Variants in NRG1 observed in about 807,000 individuals in gnomAD.
The protein encoded by NRG1 is neuregulin 1, also known as pro-neuregulin-1, membrane-bound isoform.
A neutral mutation model predicts 63.8 loss-of-function variants in NRG1; 18 were observed. That is an observed-to-expected ratio of 0.28 (90% confidence interval 0.19 to 0.42). The LOEUF is 0.42. Ranked by LOEUF, NRG1 falls within the 10% of genes least tolerant of loss-of-function variation. The pLI, the probability that NRG1 is intolerant of heterozygous loss-of-function variation, is 1.00. For synonymous variants in NRG1, 302 were observed against 301.3 expected, an observed-to-expected ratio of 1.00 and a Z score of -0.02; for missense variants, 762 against 814.7, an observed-to-expected ratio of 0.94 and a Z score of 0.79.
chr8:32,055,579 G>T (rs1057415564), intron 1 of NRG1, among the ~76,000 whole-genome samples: 1 of 151,640 alleles, frequency 6.6e-6, no homozygotes, highest in Non-Finnish European at 1.5e-5. Flanking sequence ...AATGACATTT[G>T]GCAAATTATA....
intron 1 of NRG1, among the ~76,000 whole-genome samples, chr8:31,812,601 T>C (rs915752958): frequency 6.6e-6 from 1 of 151,858 alleles, no homozygotes; most frequent in Non-Finnish European, 1.5e-5. Flanking sequence ...CTTCCTTTTT[T>C]ATCTCCTCTC....
chr8:31,648,195 G>A (rs1389518655), intron 1 of NRG1, among the ~76,000 whole-genome samples: 7 of 136,386 alleles, frequency 5.1e-5, no homozygotes, highest in Admixed American at 2.3e-4. Context: ...GTGCTGTGGC[G>A]CGATCTCGAC....
intron 1 of NRG1, among the ~76,000 whole-genome samples, chr8:32,266,747 C>A (rs1850980525): frequency 6.6e-6 from 1 of 151,896 alleles, no homozygotes; most frequent in Admixed American, 6.6e-5. Context: ...AGAAAAAATT[C>A]TTTCTGGGCT....
intron 1 of NRG1, among the ~76,000 whole-genome samples, chr8:32,481,062 G>C (rs926369183): frequency 6.6e-6 from 1 of 152,070 alleles, no homozygotes; most frequent in East Asian, 1.9e-4. Context: ...AAAATAAATA[G>C]GCCAGGCGCA....
intron 1 of NRG1, among the ~76,000 whole-genome samples, chr8:32,510,620 A>G (rs1829065888): frequency 6.6e-6 from 1 of 152,132 alleles, no homozygotes; most frequent in African/African-American, 2.4e-5. Flanking sequence ...GAAGTGCAGG[A>G]TGAGTGATTC....
At chr8:32,259,114 T>C (rs571378939) in intron 1 of NRG1, among the ~76,000 whole-genome samples, 4 of 152,334 alleles carry the variant, frequency 2.6e-5, no homozygotes, top group African/African-American at 9.6e-5. Context: ...AATGCAGATA[T>C]TCTAACTTGA....
intron 1 of NRG1, among the ~76,000 whole-genome samples, chr8:31,743,675 G>A (rs1451862400): frequency 6.6e-6 from 1 of 151,892 alleles, no homozygotes; most frequent in Non-Finnish European, 1.5e-5. Flanking sequence ...TAGTAAATAT[G>A]GAAGGAAATT....
chr8:32,534,324 T>C (rs548050113), intron 1 of NRG1, among the ~76,000 whole-genome samples: 1 of 152,300 alleles, frequency 6.6e-6, no homozygotes, highest in East Asian at 1.9e-4. Flanking sequence ...GGTAAACTTG[T>C]CTGAATCTTT....
intron 1 of NRG1, among the ~76,000 whole-genome samples, chr8:32,121,797 G>A (rs994027839): frequency 6.6e-6 from 1 of 151,774 alleles, no homozygotes; most frequent in African/African-American, 2.4e-5. Context: ...ATAGACCCCA[G>A]GTTAAGAATT....
chr8:31,856,690 T>G (rs1827912141), intron 1 of NRG1, among the ~76,000 whole-genome samples: 1 of 152,226 alleles, frequency 6.6e-6, no homozygotes, highest in Admixed American at 6.5e-5. Context: ...AGAGTCGCTC[T>G]GCTTTTTAGA....
chr8:32,616,915 G>A (rs757304901), intron 5 of NRG1, 30 bp downstream of exon 5: 6 of 1,505,400 alleles, frequency 4.0e-6, no homozygotes, highest in South Asian at 1.1e-5. Context: ...CTATTCACTG[G>A]TTTTTAACCC....
intron 1 of NRG1, among the ~76,000 whole-genome samples, chr8:32,430,381 C>A (rs1817975229): frequency 6.6e-6 from 1 of 152,160 alleles, no homozygotes; most frequent in South Asian, 2.1e-4. Context: ...CAGCAATAAA[C>A]CATGTGTTTT....
At chr8:32,756,368 C>CA (rs67120632) in intron 8 of NRG1, 35 bp from the exon 9 acceptor site, 456 of 1,570,644 alleles carry the variant, frequency 2.9e-4, no homozygotes, top group East Asian at 1.3e-3. Context: ...TGAAAATAAT[C>CA]AAAAAAAAAT....
intron 5 of NRG1, among the ~76,000 whole-genome samples, chr8:32,712,867 A>G (rs1232051011): frequency 2.0e-5 from 3 of 152,112 alleles, no homozygotes; most frequent in Non-Finnish European, 4.4e-5. Context: ...ACCTCATACT[A>G]TGCCTAGTCA....
In NRG1 at chr8:32,253,050, T is replaced by G. The variant is rs189861172; in HGVS notation, c.38-342778T>G. On this transcript the variant is annotated intron_variant, in intron 1 of 10. Coordinates refer to the NRG1 transcript ENST00000519301. ...TGGTTTTTAAACATTGTTTTTGTAT[T>G]CTGAAACTTTGCTGAAATTGCTTAT... Among the ~76,000 whole-genome samples the G allele has an allele frequency of 7.1e-4, 108 of 152,266 alleles. 1 individual carries two copies. The highest frequency in any genetic ancestry group is 2.3e-3 in the African/African-American group (97 of 41,574).
At chr8:32,049,525 A>C (rs1160291622) in intron 1 of NRG1, among the ~76,000 whole-genome samples, 1 of 152,156 alleles carries the variant, frequency 6.6e-6, no homozygotes, top group Admixed American at 6.6e-5. Flanking sequence ...GAGAAATACT[A>C]TCTTCTTTTC....
At chr8:32,763,859 G>T in exon 12 of NRG1, 1 of 1,613,986 alleles carries the variant, frequency 6.2e-7, no homozygotes, top group Non-Finnish European at 8.5e-7. Context: ...CCAGCATGAC[G>T]GTGTCCATGC....
At chr8:31,752,627 A>G (rs1376405646) in intron 1 of NRG1, among the ~76,000 whole-genome samples, 1 of 152,086 alleles carries the variant, frequency 6.6e-6, no homozygotes, top group Non-Finnish European at 1.5e-5. Flanking sequence ...GGATTTGCCA[A>G]TGGATTGAAA....
intron 1 of NRG1, among the ~76,000 whole-genome samples, chr8:32,494,237 T>C (rs1826935275): frequency 6.6e-6 from 1 of 152,214 alleles, no homozygotes; most frequent in Admixed American, 6.5e-5. Context: ...ATGTTTATTG[T>C]AGAACATTTG....
Sources: gnomAD v4.1 joint callset for allele counts (sites outside exome capture counted in the v4.1 genomes callset) on GRCh38, gnomAD v4.1.1 for gene constraint, MANE v1.5 for transcripts, NCBI Gene and HGNC (gene_info 2026-07-23, HGNC 2026-07-21) for gene names.